GALNT2: variants seen among roughly 807,000 people sequenced by gnomAD.
GALNT2 encodes the protein polypeptide N-acetylgalactosaminyltransferase 2.
Under a neutral mutation model 81.4 loss-of-function variants are expected in GALNT2, and 31 were observed. The ratio of observed to expected loss-of-function variants is 0.38; its 90% CI spans 0.29 to 0.51. GALNT2 has a LOEUF of 0.51. GALNT2 is among the 20% of genes least tolerant of loss of function. GALNT2 has a pLI of 0.87. For missense variants in GALNT2, 629 were observed against 765.7 expected, an observed-to-expected ratio of 0.82 and a Z score of 2.11; for synonymous variants, 303 against 287.4, an observed-to-expected ratio of 1.05 and a Z score of -0.55.
At chr1:230,093,099 T>TAC (rs1340632301) in intron 1 of GALNT2, among the ~76,000 whole-genome samples, 3 of 152,218 alleles carry the variant, frequency 2.0e-5, no homozygotes, top group African/African-American at 7.2e-5. Context: ...AGCTTACGTC[T>TAC]ACTGACACTA....
upstream of GALNT2, among the ~76,000 whole-genome samples, chr1:230,063,308 CAAAA>C (rs764050799): frequency 1.1e-5 from 1 of 89,086 alleles, no homozygotes. Flanking sequence ...AAGTGTCCAC[CAAAA>C]AAAAAAAAAA....
chr1:230,072,994 T>C lies in GALNT2; in HGVS notation c.126+5588T>C, dbSNP rs138250619. ...GATTCACTGTTACTGTTGAGAGTTC[T>C]GGTTCCACCATTGTAATCTTGTGGC... On this transcript the variant is annotated intron_variant, in intron 1 of 15. Coordinates refer to ENST00000366672, the MANE Select transcript of GALNT2 (RefSeq NM_004481.5). Among the ~76,000 whole-genome samples, 1,256 of 152,342 alleles carry C rather than the reference T, an allele frequency of 8.2e-3. 14 individuals carry two copies. The highest frequency in any genetic ancestry group is 0.028 in the African/African-American group (1,166 of 41,578).
chr1:230,207,550 A>G (rs1345371377), intron 3 of GALNT2, among the ~76,000 whole-genome samples: 1 of 152,174 alleles, frequency 6.6e-6, no homozygotes, highest in African/African-American at 2.4e-5. Context: ...TGTATAAGAT[A>G]TATTAGGTCC....
intron 7 of GALNT2, 82 bp from the exon 8 acceptor site, chr1:230,245,981 C>T (rs969533371): frequency 3.4e-6 from 4 of 1,182,452 alleles, no homozygotes; most frequent in Non-Finnish European, 5.1e-6. Flanking sequence ...CCTGTGCCTG[C>T]CTAATACTAA....
chr1:230,134,346 A>G (rs1345301916), intron 1 of GALNT2, among the ~76,000 whole-genome samples: 1 of 152,074 alleles, frequency 6.6e-6, no homozygotes, highest in Non-Finnish European at 1.5e-5. Context: ...TGACCTCATG[A>G]TCCGCCCGCC....
chr1:230,058,136 C>A, intron 1 of GALNT2: 1 of 455,802 alleles, frequency 2.2e-6, no homozygotes. Context: ...GCTATGGGGG[C>A]GTCTTTAACC....
At chr1:230,253,843 T>C (rs1424756732) in intron 10 of GALNT2, among the ~76,000 whole-genome samples, 1 of 152,206 alleles carries the variant, frequency 6.6e-6, no homozygotes, top group Admixed American at 6.5e-5. Flanking sequence ...TCCCAGCCTT[T>C]ACTATCCTCC....
chr1:230,185,826 C>T (rs945802806), intron 2 of GALNT2, among the ~76,000 whole-genome samples: 1 of 152,088 alleles, frequency 6.6e-6, no homozygotes, highest in African/African-American at 2.4e-5. Flanking sequence ...TGACTGGGTC[C>T]CCCTGGAGTT....
At chr1:230,216,010 T>G (rs1453895023) in intron 3 of GALNT2, among the ~76,000 whole-genome samples, 1 of 152,228 alleles carries the variant, frequency 6.6e-6, no homozygotes, top group Non-Finnish European at 1.5e-5. Context: ...TTGGATTGTT[T>G]TATCATAGAA....
At chr1:230,072,301 T>C (rs1226448421) in intron 1 of GALNT2, among the ~76,000 whole-genome samples, 5 of 142,848 alleles carry the variant, frequency 3.5e-5, no homozygotes, top group Non-Finnish European at 7.5e-5. Context: ...AAGGCCACTG[T>C]CCTGCCTAAC....
intron 1 of GALNT2, among the ~76,000 whole-genome samples, chr1:230,100,310 C>CTTTTTTTTT (rs573478928): frequency 1.2e-5 from 1 of 85,776 alleles, no homozygotes; most frequent in African/African-American, 5.1e-5. Context: ...CTTTTTATTC[C>CTTTTTTTTT]TTTTTTTTTT....
At chr1:230,269,095 G>A (rs1392705298) in intron 14 of GALNT2, among the ~76,000 whole-genome samples, 3 of 150,712 alleles carry the variant, frequency 2.0e-5, no homozygotes, top group Admixed American at 1.3e-4. Flanking sequence ...CTCACTCTCT[G>A]TCCCCCTCCA....
intron 1 of GALNT2, among the ~76,000 whole-genome samples, chr1:230,114,609 C>T (rs989151791): frequency 4.6e-5 from 7 of 152,166 alleles, no homozygotes; most frequent in African/African-American, 9.7e-5. Flanking sequence ...CCCTTGACCT[C>T]GTAAGTCCTG....
At chr1:230,201,329 C>G (rs1418064243) in intron 2 of GALNT2, among the ~76,000 whole-genome samples, 2 of 152,106 alleles carry the variant, frequency 1.3e-5, no homozygotes, top group Non-Finnish European at 2.9e-5. Flanking sequence ...GTGACACCCC[C>G]CAAGCATCAT....
chr1:230,067,957 C>G (rs540503663), intron 1 of GALNT2, among the ~76,000 whole-genome samples: 1 of 152,162 alleles, frequency 6.6e-6, no homozygotes, highest in African/African-American at 2.4e-5. Context: ...GCGGCCGCTC[C>G]CGTGCCAAGT....
intron 1 of GALNT2, among the ~76,000 whole-genome samples, chr1:230,131,415 T>C (rs1661363261): frequency 1.3e-5 from 2 of 152,248 alleles, no homozygotes; most frequent in South Asian, 4.1e-4. Flanking sequence ...ACCTTTGACC[T>C]GTGGGCCCTG....
In GALNT2 at chr1:230,137,261, A is replaced by G. The variant is rs115770879; in HGVS notation, c.127-40957A>G. Among the ~76,000 whole-genome samples, 1,159 of 152,332 alleles carry G rather than the reference A, an allele frequency of 7.6e-3. 23 individuals are homozygous for G. Among genetic ancestry groups the G allele is most frequent in the African/African-American group, 0.025 (1,044 of 41,584 alleles). ...TGTCCCGCTGCTCTGGGGCTCCAGC[A>G]TGGAGCTTCACGTAGGCTGGGGTGG... is the stretch of plus-strand genomic sequence containing the variant. On this transcript the variant is annotated intron_variant, in intron 1 of 15. Transcript: ENST00000366672.
intron 7 of GALNT2, among the ~76,000 whole-genome samples, chr1:230,245,418 C>G (rs1665335517): frequency 6.6e-6 from 1 of 151,670 alleles, no homozygotes; most frequent in Non-Finnish European, 1.5e-5. Flanking sequence ...GAGCCAAGAT[C>G]ACGCCATTGC....
At chr1:230,141,697 A>G (rs373075545) in intron 1 of GALNT2, among the ~76,000 whole-genome samples, 96 of 151,886 alleles carry the variant, frequency 6.3e-4, no homozygotes, top group African/African-American at 2.3e-3. Context: ...CCATTGATGG[A>G]CACGTGGGTC....
Sources: allele counts gnomAD v4.1 joint callset (sites outside exome capture counted in the v4.1 genomes callset), GRCh38; gene constraint gnomAD v4.1.1; transcripts MANE v1.5; gene names NCBI Gene and HGNC (gene_info 2026-07-23, HGNC 2026-07-21).